SMARCC1: variants seen among roughly 807,000 people sequenced by gnomAD.
SMARCC1 encodes the protein SWI/SNF related BAF chromatin remodeling complex subunit C1.
In SMARCC1, 43 loss-of-function variants were observed where a neutral mutation model predicts 147.4. The ratio of observed to expected loss-of-function variants is 0.29; its 90% CI spans 0.23 to 0.38. The LOEUF (loss-of-function observed/expected upper bound fraction) is 0.38. SMARCC1 is among the 10% of genes least tolerant of loss of function. SMARCC1 has a pLI of 1.00. For synonymous variants in SMARCC1, 495 were observed against 484.4 expected, an observed-to-expected ratio of 1.02 and a Z score of -0.29; for missense variants, 1,119 against 1,381.1, an observed-to-expected ratio of 0.81 and a Z score of 3.01.
At chr3:47,679,052 C>T (rs1397642411) in intron 15 of SMARCC1, among the ~76,000 whole-genome samples, 1 of 152,014 alleles carries the variant, frequency 6.6e-6, no homozygotes, top group Non-Finnish European at 1.5e-5. Context: ...TCTGTTACAG[C>T]AGATACTAAG....
At chr3:47,766,222 T>C (rs1339554257) in intron 2 of SMARCC1, among the ~76,000 whole-genome samples, 1 of 152,150 alleles carries the variant, frequency 6.6e-6, no homozygotes, top group African/African-American at 2.4e-5. Flanking sequence ...AGAGCTTTCC[T>C]GTTTTTTTAA....
At chr3:47,671,178 A>AAAAAAAAAAAAAC (rs2033492969) in intron 18 of SMARCC1, among the ~76,000 whole-genome samples, 1 of 140,718 alleles carries the variant, frequency 7.1e-6, no homozygotes, top group East Asian at 2.0e-4. Flanking sequence ...TATCTCAAAA[A>AAAAAAAAAAAAAC]AAAAAAAAAA....
At chr3:47,705,846 G>A (rs1191389016) in intron 10 of SMARCC1, among the ~76,000 whole-genome samples, 1 of 152,142 alleles carries the variant, frequency 6.6e-6, no homozygotes, top group Non-Finnish European at 1.5e-5. Flanking sequence ...TTTATTAAGT[G>A]TGTATTTAAA....
chr3:47,674,651 G>A (rs1303889520), intron 18 of SMARCC1, among the ~76,000 whole-genome samples: 1 of 152,096 alleles, frequency 6.6e-6, no homozygotes, highest in East Asian at 1.9e-4. Flanking sequence ...TTCTTTTTAT[G>A]TGTGTGTTTT....
chr3:47,687,552 CTCTTA>C (rs2083234793), intron 13 of SMARCC1, among the ~76,000 whole-genome samples: 1 of 152,172 alleles, frequency 6.6e-6, no homozygotes, highest in African/African-American at 2.4e-5. Context: ...GCTTCAAATC[CTCTTA>C]TCTTTGGCAT....
chr3:47,781,712 G>T lies in SMARCC1; in HGVS notation c.86C>A (p.Ala29Asp), dbSNP rs1351201692. 1 of 1,560,060 alleles carries T rather than the reference G, an allele frequency of 6.4e-7. No individual in the cohort carries two copies. The highest frequency in any genetic ancestry group is 1.9e-5 in the Admixed American group (1 of 52,056). The change falls in exon 1 of 28, where the codon GCT becomes GAT. Residue 29 changes from alanine to aspartate, a missense_variant. By Grantham distance (126) the Ala-to-Asp change is moderately radical. Around this residue, in one of 6 missense-constraint regions of SMARCC1, gnomAD observed 542 missense variants for 611.8 expected, o/e 0.89. Transcript: ENST00000254480. Reference protein sequence around the residue: ...SGIAAAAAGLAVYRRKDGGPA... With the variant: ...SGIAAAAAGLDVYRRKDGGPA... ...GCCCCCATCCTTCCGTCGATAAACA[G>T]CTAGGCCTGCGGCTGCCGCCGCAAT...
Position 47,622,289 on chromosome 3 carries a change from A to G in SMARCC1, c.2699T>C (p.Val900Ala). The G allele has an allele frequency of 6.2e-7, 1 of 1,612,464 alleles. No homozygotes were observed. Among genetic ancestry groups the G allele is most frequent in the Non-Finnish European group, 8.5e-7 (1 of 1,179,422 alleles). The change falls in exon 25 of 28, where the codon GTT becomes GCT. Residue 900 changes from valine to alanine, a missense_variant. Around this residue, in one of 6 missense-constraint regions of SMARCC1, gnomAD observed 42 missense variants for 89.4 expected, o/e 0.47. Coordinates refer to ENST00000254480, the MANE Select transcript of SMARCC1 (RefSeq NM_003074.4). Reference protein sequence around the residue: ...RKIKSLVALLVETQMKKLEIK... With the variant: ...RKIKSLVALLAETQMKKLEIK... ...CTCTAGTTTCTTCATTTGTGTCTCA[A>G]CCAAGAGAGCTACCAGGGACTTGAT...
intron 19 of SMARCC1, among the ~76,000 whole-genome samples, chr3:47,663,097 AGAGG>A (rs1231052256): frequency 3.9e-4 from 46 of 116,556 alleles, no homozygotes; most frequent in African/African-American, 1.3e-3. Flanking sequence ...ACAAAAGAAA[AGAGG>A]GAGGGAGGGA....
Position 47,586,018 on chromosome 3 carries a change from T to C in SMARCC1, c.*2191A>G, listed in dbSNP as rs1041718828. Reference sequence around the variant, plus strand: ...CAAAATAACAACACACTGAGAAACATGTTTGTACAAAAACCACATATTATT... The same window carrying C: ...CAAAATAACAACACACTGAGAAACACGTTTGTACAAAAACCACATATTATT... On this transcript the variant is annotated 3_prime_UTR_variant, in exon 28 of 28. Transcript: ENST00000254480. 1.3e-5 allele frequency: 2 copies of C among 152,666 alleles called. No individual in the cohort carries two copies. The highest frequency in any genetic ancestry group is 4.1e-4 in the South Asian group (2 of 4,826). The allele number at this position is 152,666 out of a possible 1,614,324, so 9.5% of individuals were successfully genotyped here.
intron 19 of SMARCC1, chr3:47,664,030 G>A (rs993511239): frequency 3.0e-6 from 2 of 675,678 alleles, no homozygotes; most frequent in Admixed American, 3.2e-5. Flanking sequence ...CCTCTCCTTT[G>A]AGAGGCCCAT....
At chr3:47,753,260 G>GGT (rs1220775341) in intron 2 of SMARCC1, among the ~76,000 whole-genome samples, 1 of 151,144 alleles carries the variant, frequency 6.6e-6, no homozygotes, top group Non-Finnish European at 1.5e-5. Context: ...AGGAGGTGGA[G>GGT]GTAGCAGTGA....
At chr3:47,594,092 G>A (rs1483008192) in intron 26 of SMARCC1, among the ~76,000 whole-genome samples, 1 of 151,696 alleles carries the variant, frequency 6.6e-6, no homozygotes, top group African/African-American at 2.4e-5. Context: ...TTGAACCCGG[G>A]AGGTGGAGGT....
intron 18 of SMARCC1, among the ~76,000 whole-genome samples, chr3:47,674,886 T>A (rs908525980): frequency 1.3e-5 from 2 of 152,178 alleles, no homozygotes; most frequent in African/African-American, 4.8e-5. Context: ...TTGGACTGTA[T>A]CATTCATTTT....
chr3:47,694,278 A>G (rs1171773374), intron 11 of SMARCC1, among the ~76,000 whole-genome samples: 1 of 152,208 alleles, frequency 6.6e-6, no homozygotes, highest in Non-Finnish European at 1.5e-5. Context: ...AAAACACTGC[A>G]ACTAGAGGTA....
chr3:47,779,133 T>C (rs1347494311), intron 1 of SMARCC1, among the ~76,000 whole-genome samples: 1 of 150,586 alleles, frequency 6.6e-6, no homozygotes, highest in Non-Finnish European at 1.5e-5. Flanking sequence ...GCTCAGTTGT[T>C]CACTGAATGC....
At chr3:47,598,467 G>A (rs979768450) in intron 26 of SMARCC1, among the ~76,000 whole-genome samples, 1 of 151,988 alleles carries the variant, frequency 6.6e-6, no homozygotes, top group Non-Finnish European at 1.5e-5. Flanking sequence ...ACATATTGCC[G>A]CCCTTCACAG....
intron 2 of SMARCC1, among the ~76,000 whole-genome samples, chr3:47,770,179 G>A (rs2034895843): frequency 1.3e-5 from 2 of 151,706 alleles, no homozygotes; most frequent in South Asian, 4.2e-4. Context: ...AGTGAGCTGA[G>A]ATTGTACCAC....
chr3:47,761,296 T>C (rs146003786), intron 2 of SMARCC1, among the ~76,000 whole-genome samples: 143 of 151,446 alleles, frequency 9.4e-4, no homozygotes, highest in African/African-American at 3.3e-3. Flanking sequence ...AGCAAGGCAG[T>C]ATCTCAGAAA....
intron 24 of SMARCC1, among the ~76,000 whole-genome samples, chr3:47,630,676 C>T (rs984192970): frequency 7.9e-5 from 12 of 152,292 alleles, no homozygotes; most frequent in Non-Finnish European, 1.5e-4. Flanking sequence ...ATGGTAACAA[C>T]GATCAACTTG....
Sources: allele counts gnomAD v4.1 joint callset (sites outside exome capture counted in the v4.1 genomes callset), GRCh38; gene constraint gnomAD v4.1.1; regional missense constraint gnomAD v4.1.1; transcripts MANE v1.5; gene names NCBI Gene and HGNC (gene_info 2026-07-23, HGNC 2026-07-21).